Variants in MYO18B observed in about 807,000 individuals in gnomAD.
The protein encoded by MYO18B is myosin XVIIIB.
MYO18B carries 204 observed loss-of-function variants against 273.0 expected under a neutral mutation model. That is an observed-to-expected ratio of 0.75 (90% CI 0.67 to 0.84). The LOEUF (loss-of-function observed/expected upper bound fraction) is 0.84. Among genes scored for constraint, MYO18B ranks in the 40% least tolerant of loss-of-function variants. The probability of loss-of-function intolerance (pLI) is 0.00; values close to 1 mark genes in which losing one functional copy is unlikely to be tolerated. For missense variants in MYO18B, 3,212 were observed against 3,287.6 expected, an observed-to-expected ratio of 0.98 and a Z score of 0.56; for synonymous variants, 1,330 against 1,305.7, an observed-to-expected ratio of 1.02 and a Z score of -0.40.
At chr22:26,022,528 A>G (rs887106135) in intron 42 of MYO18B, among the ~76,000 whole-genome samples, 2 of 152,180 alleles carry the variant, frequency 1.3e-5, no homozygotes, top group Admixed American at 1.3e-4. Context: ...ACTTGCAGAG[A>G]TGTAGGTGGA....
chr22:25,941,285 C>T (rs999506610), intron 34 of MYO18B, among the ~76,000 whole-genome samples: 16 of 152,136 alleles, frequency 1.1e-4, no homozygotes, highest in Non-Finnish European at 2.1e-4. Context: ...TCCATGGGGA[C>T]GTGATGATTA....
At chr22:25,800,015 T>A (rs1331250222) in intron 12 of MYO18B, among the ~76,000 whole-genome samples, 1 of 151,882 alleles carries the variant, frequency 6.6e-6, no homozygotes, top group Non-Finnish European at 1.5e-5. Context: ...GCCATAAAGA[T>A]GAGATGAAAT....
intron 21 of MYO18B, among the ~76,000 whole-genome samples, chr22:25,861,471 T>C (rs2090735240): frequency 6.6e-6 from 1 of 152,214 alleles, no homozygotes; most frequent in African/African-American, 2.4e-5. Flanking sequence ...GTATAGCCAC[T>C]CCAGCTATCT....
chr22:25,833,720 T>C (rs2089796990), intron 16 of MYO18B, among the ~76,000 whole-genome samples: 3 of 152,342 alleles, frequency 2.0e-5, no homozygotes, highest in South Asian at 4.1e-4. Flanking sequence ...ATGGGGATGC[T>C]ACTTTTTCTG....
chr22:25,814,839 C>G (rs1326592695), intron 12 of MYO18B, among the ~76,000 whole-genome samples: 3 of 152,116 alleles, frequency 2.0e-5, no homozygotes, highest in Non-Finnish European at 4.4e-5. Flanking sequence ...CCATTTAATC[C>G]TCATAACTCT....
Position 25,895,215 on chromosome 22 carries a change from C to T in MYO18B, c.4603C>T (p.Arg1535Cys), listed in dbSNP as rs201043031. 7.5e-5 allele frequency: 121 copies of T among 1,610,568 alleles called. No individual in the cohort carries two copies. The African/African-American group carries it at 1.1e-3, about 15-fold the overall frequency. The change falls in exon 28 of 44, where the codon CGT (arginine) becomes TGT (cysteine). Residue 1535 changes from arginine (R) to cysteine (C), a missense_variant. Transcript: ENST00000335473. ...AQMENEFLRK[R>C]LQQCEERLDS... ...GATGGAGAACGAGTTCCTCAGAAAG[C>T]GTCTGCAGCAATGCGAGGAGAGGCT...
At chr22:25,809,942 T>G (rs1381511966) in intron 12 of MYO18B, among the ~76,000 whole-genome samples, 3 of 150,046 alleles carry the variant, frequency 2.0e-5, no homozygotes, top group Non-Finnish European at 3.0e-5. Flanking sequence ...ATATGAGGAA[T>G]ACGTCAATGT....
chr22:25,833,375 C>G (rs1167282247), intron 16 of MYO18B, among the ~76,000 whole-genome samples: 2 of 152,148 alleles, frequency 1.3e-5, no homozygotes, highest in Non-Finnish European at 2.9e-5. Flanking sequence ...AGGTGCTGTG[C>G]CCAGCAGAGA....
chr22:25,751,974 T>A (rs988672121), intron 1 of MYO18B, among the ~76,000 whole-genome samples: 1 of 152,184 alleles, frequency 6.6e-6, no homozygotes, highest in Non-Finnish European at 1.5e-5. Context: ...CTAGGAAAAC[T>A]GAGGCTCAGA....
intron 21 of MYO18B, among the ~76,000 whole-genome samples, chr22:25,856,598 T>C (rs1601369091): frequency 6.6e-6 from 1 of 152,158 alleles, no homozygotes; most frequent in Non-Finnish European, 1.5e-5. Flanking sequence ...TAGGTGATGC[T>C]TGAGATGAGG....
chr22:26,053,033 T>C, the MYO18B span, among the ~76,000 whole-genome samples: 1 of 152,102 alleles, frequency 6.6e-6, no homozygotes, highest in South Asian at 2.1e-4. Flanking sequence ...GGTCTCAATC[T>C]CCTGACCTCG....
chr22:25,791,418 A>G (rs1252496815), intron 11 of MYO18B, among the ~76,000 whole-genome samples: 2 of 152,206 alleles, frequency 1.3e-5, no homozygotes, highest in Non-Finnish European at 2.9e-5. Context: ...GGGTCCTCAG[A>G]GGCTGTGTGT....
chr22:25,752,486 CT>C (rs1363708417), intron 1 of MYO18B, among the ~76,000 whole-genome samples: 2 of 152,074 alleles, frequency 1.3e-5, no homozygotes, highest in Non-Finnish European at 2.9e-5. Context: ...CGCGCCCGGC[CT>C]TTAATTAATT....
chr22:26,024,000 G>T (rs987926357), intron 42 of MYO18B, among the ~76,000 whole-genome samples: 17 of 152,266 alleles, frequency 1.1e-4, no homozygotes, highest in African/African-American at 4.1e-4. Context: ...GGAGGGAGCT[G>T]CTCTGGGCAA....
chr22:25,917,302 G>A lies in MYO18B; in HGVS notation c.5365-3955G>A, dbSNP rs2092275481. ...GAGAGTCCTGTTATATCCTTACCAT[G>A]AGAATGGTTATACCAAAGTTTGTTA... On this transcript the variant is annotated intron_variant, in intron 33 of 43. Transcript: ENST00000335473. Among the ~76,000 whole-genome samples, 6 of 152,208 alleles carry A rather than the reference G, an allele frequency of 3.9e-5. 1 individual carries two copies. The Middle Eastern group carries it at 0.01, about 259-fold the overall frequency.
At chr22:26,031,990 A>G (rs1936678391), downstream of MYO18B, among the ~76,000 whole-genome samples, 1 of 152,184 alleles carries the variant, frequency 6.6e-6, no homozygotes, top group South Asian at 2.1e-4. Context: ...GGCAAAGAGG[A>G]GGCACCACCC....
chr22:26,036,764 A>G, the MYO18B span, among the ~76,000 whole-genome samples: 1 of 152,362 alleles, frequency 6.6e-6, no homozygotes, highest in South Asian at 2.1e-4. Context: ...TTCTGCAGCA[A>G]AAGGTGGAAG....
At chr22:25,852,548 C>T (rs2090455217) in intron 21 of MYO18B, among the ~76,000 whole-genome samples, 1 of 152,164 alleles carries the variant, frequency 6.6e-6, no homozygotes, top group African/African-American at 2.4e-5. Flanking sequence ...TGAGAATGGC[C>T]ACAGGCTTAT....
rs2092344834 is a variant in MYO18B at position 25,921,702 on chromosome 22, T to TGTG, written c.5517+293_5517+294insGTG. On this transcript the variant is annotated intron_variant, in intron 34 of 43. Coordinates refer to ENST00000335473, the MANE Select transcript of MYO18B (RefSeq NM_032608.7). The stretch of plus-strand genomic sequence containing the variant: ...AGAATGGCTGAGTGCAGTGTGCCTG[T>TGTG]TGTGTGTGTGTGTGTGTGTGTGTGT... 3.0e-3 allele frequency among the ~76,000 whole-genome samples: 430 copies of TGTG among 145,710 alleles called. 1 individual carries two copies. The highest frequency in any genetic ancestry group is 0.011 in the African/African-American group (416 of 39,140).
Sources: allele counts gnomAD v4.1 joint callset (sites outside exome capture counted in the v4.1 genomes callset), GRCh38; gene constraint gnomAD v4.1.1; transcripts MANE v1.5; gene names NCBI Gene and HGNC (gene_info 2026-07-23, HGNC 2026-07-21).